Variants in OR7G2 observed in about 807,000 individuals in gnomAD.
The protein encoded by OR7G2 is olfactory receptor 7G2.
For synonymous variants in OR7G2, 153 were observed against 152.2 expected (o/e 1.01, Z -0.04); for missense variants, 362 against 384.0 (o/e 0.94, Z 0.48).
At chr19:9,104,669 T>A (rs73004154) in intron 1 of OR7G2, among the ~76,000 whole-genome samples, 43,948 of 151,052 alleles carry the variant, frequency 0.29, 7,171 homozygotes, top group East Asian at 0.59. Flanking sequence ...CTACTAAAAA[T>A]ACAAAAAATT....
In OR7G2 at chr19:9,102,963, T is replaced by A. The variant is rs140521522; in HGVS notation, c.281A>T (p.Tyr94Phe). 29 of 1,614,034 alleles carry A rather than the reference T, an allele frequency of 1.8e-5. No individual in the cohort carries two copies. The African/African-American group carries it at 3.7e-4, about 21-fold the overall frequency. The change falls in exon 2 of 2, where the codon TAC (tyrosine) becomes TTC (phenylalanine). Residue 94 changes from tyrosine (Y) to phenylalanine (F), a missense_variant. Coordinates refer to ENST00000641081, the MANE Select transcript of OR7G2 (RefSeq NM_001005193.2). ...GCAGATCTGGGTGAGGCAGCCTGAGTACGTGATGCTCCGATTCTGAGCTTG... is the reference window on the plus strand; with the variant it reads ...GCAGATCTGGGTGAGGCAGCCTGAGAACGTGATGCTCCGATTCTGAGCTTG... Reference protein sequence around the residue: ...NIQAQNRSITYSGCLTQICFV... With the variant: ...NIQAQNRSITFSGCLTQICFV...
intron 1 of OR7G2, among the ~76,000 whole-genome samples, 166 bp downstream of exon 1, chr19:9,107,148 A>G (rs1167568650): frequency 1.3e-5 from 2 of 152,168 alleles, no homozygotes; most frequent in Non-Finnish European, 2.9e-5. Context: ...GACTGCAGTG[A>G]GCTATGATCG....
rs1427288581 is a variant in OR7G2, at chr19:9,100,833, A to T, written c.*1436T>A. 1 of 152,194 alleles carries T rather than the reference A, an allele frequency of 6.6e-6. No homozygotes were observed. The highest frequency in any genetic ancestry group is 1.5e-5 in the Non-Finnish European group (1 of 68,048). 9.4% of individuals were successfully genotyped at this position (152,194 alleles called of 1,614,324 possible). ...TGGAAGCTTGTCTCCAGATATAACA[A>T]CAACCTCGCTTAAATCCTTTTCCTG... On this transcript the variant is annotated 3_prime_UTR_variant, in exon 2 of 2. Coordinates refer to ENST00000641081, the MANE Select transcript of OR7G2 (RefSeq NM_001005193.2).
At chr19:9,104,496 AAACT>A (rs544280802) in intron 1 of OR7G2, among the ~76,000 whole-genome samples, 95 of 152,312 alleles carry the variant, frequency 6.2e-4, no homozygotes, top group Admixed American at 1.2e-3. Context: ...TGTCATTCTT[AAACT>A]TTTAAAAATG....
chr19:9,106,203 A>C (rs2145912828), intron 1 of OR7G2, among the ~76,000 whole-genome samples: 1 of 151,980 alleles, frequency 6.6e-6, no homozygotes, highest in Non-Finnish European at 1.5e-5. Context: ...GGATCACCTG[A>C]GATCAAGAGT....
chr19:9,104,612 GGT>G (rs2050375711), intron 1 of OR7G2, among the ~76,000 whole-genome samples: 1 of 151,768 alleles, frequency 6.6e-6, no homozygotes, highest in Non-Finnish European at 1.5e-5. Context: ...CAGATCACGG[GGT>G]CAGGCAATCG....
At chr19:9,103,725 C>T (rs1479237739) in intron 1 of OR7G2, among the ~76,000 whole-genome samples, 1 of 151,218 alleles carries the variant, frequency 6.6e-6, no homozygotes, top group African/African-American at 2.4e-5. Context: ...GTGGGGGTCT[C>T]ACCATGTTGG....
rs371933843 is a variant in OR7G2 at position 9,103,675 on chromosome 19, T to TTGTG, written c.-16-420_-16-417dup. 1.7e-3 allele frequency among the ~76,000 whole-genome samples: 238 copies of TTGTG among 142,492 alleles called. 3 individuals are homozygous for TTGTG. The highest frequency in any genetic ancestry group is 2.4e-3 in the Non-Finnish European group (154 of 64,992). 93.5% of individuals were successfully genotyped at this position (142,492 alleles called of 152,430 possible). A position where few individuals can be genotyped will look rare whatever the true frequency, so the allele number is the denominator to read the frequency against. On this transcript the variant is annotated intron_variant, in intron 1 of 1. Transcript: ENST00000641081. ...TGCACACCACCATTCCTGGCTAATT[T>TTGTG]TGTGTGTGTGTGTGTGTGTTTTTAG...
Position 9,102,034 on chromosome 19 carries a change from C to G in OR7G2, c.*235G>C, listed in dbSNP as rs2050356598. Reference sequence around the variant, plus strand: ...CCTGGCCAACATGGTGAAACTCTATCTCTACTAAAAATACAAAAATTAGCC... The same window carrying G: ...CCTGGCCAACATGGTGAAACTCTATGTCTACTAAAAATACAAAAATTAGCC... On this transcript the variant is annotated 3_prime_UTR_variant, in exon 2 of 2. Coordinates refer to ENST00000641081, the MANE Select transcript of OR7G2 (RefSeq NM_001005193.2). The G allele has an allele frequency of 2.4e-6, 1 of 417,376 alleles. No individual in the cohort carries two copies. Among genetic ancestry groups the G allele is most frequent in the Admixed American group, 4.0e-5 (1 of 24,806 alleles). The allele number at this position is 417,376 out of a possible 1,614,324, so 25.9% of individuals were successfully genotyped here. A position where few individuals can be genotyped will look rare whatever the true frequency, so the allele number is the denominator to read the frequency against.
intron 1 of OR7G2, among the ~76,000 whole-genome samples, chr19:9,106,284 G>A (rs11085848): frequency 0.29 from 44,275 of 151,608 alleles, 7,204 homozygotes; most frequent in East Asian, 0.59. Flanking sequence ...GCTGGGTGTG[G>A]TGGTGTGGTG....
rs150484555 is a variant in OR7G2 at position 9,105,594 on chromosome 19, A to G, written c.-17+1720T>C. ...CTGTGCGTGGTGGTTCACGCCTGTAATCCCAGCACTTTGGGAGGCTAAGGC... is the reference window on the plus strand; with the variant it reads ...CTGTGCGTGGTGGTTCACGCCTGTAGTCCCAGCACTTTGGGAGGCTAAGGC... On this transcript the variant is annotated intron_variant, in intron 1 of 1. Transcript: ENST00000641081. Among the ~76,000 whole-genome samples, 87 of 152,296 alleles carry G rather than the reference A, an allele frequency of 5.7e-4. 1 individual carries two copies. In the East Asian group the frequency reaches 0.014, roughly 25 times the overall value.
chr19:9,102,918 C>G lies in OR7G2; in HGVS notation c.326G>C (p.Gly109Ala). ...TGCTGCAAGGAGACAATTTTCCAAGCCAGCAAAAAACAAGACAAAGCAGAT... is the reference window on the plus strand; with the variant it reads ...TGCTGCAAGGAGACAATTTTCCAAGGCAGCAAAAAACAAGACAAAGCAGAT... ...TQICFVLFFA[G>A]LENCLLAAMA... is the part of the protein sequence containing the mutation. The change falls in exon 2 of 2, where the codon GGC becomes GCC. Residue 109 changes from glycine to alanine, a missense_variant. Physicochemically the swap from Gly to Ala is moderately conservative, Grantham distance 60. Transcript: ENST00000641081. 1 of 1,614,146 alleles carries G rather than the reference C, an allele frequency of 6.2e-7. No homozygotes were observed. The highest frequency in any genetic ancestry group is 1.6e-4 in the Middle Eastern group (1 of 6,062).
At chr19:9,103,787 C>T (rs2050369805) in intron 1 of OR7G2, among the ~76,000 whole-genome samples, 1 of 151,228 alleles carries the variant, frequency 6.6e-6, no homozygotes, top group African/African-American at 2.4e-5. Flanking sequence ...CCTCAGCCTC[C>T]CAAAGTGCTG....
chr19:9,102,895 C>T lies in OR7G2; in HGVS notation c.349G>A (p.Ala117Thr). Residue 117 changes from alanine (A) to threonine (T), a missense_variant, in exon 2 of 2, where the codon GCA (alanine) becomes ACA (threonine). By Grantham distance (58) the Ala-to-Thr change is moderately conservative (BLOSUM62 0). Coordinates refer to ENST00000641081, the MANE Select transcript of OR7G2 (RefSeq NM_001005193.2). ...GCCACATAGCGGTCATAGGCCATTG[C>T]TGCAAGGAGACAATTTTCCAAGCCA... Reference protein sequence around the residue: ...FAGLENCLLAAMAYDRYVAIC... With the variant: ...FAGLENCLLATMAYDRYVAIC... 6.2e-7 allele frequency: 1 copy of T among 1,614,042 alleles called. No homozygotes were observed. Among genetic ancestry groups the T allele is most frequent in the Non-Finnish European group, 8.5e-7 (1 of 1,179,986 alleles).
At position 9,106,709 on chromosome 19, in the gene OR7G2, C is replaced by A. The variant is rs2050388313; in HGVS notation, c.-17+605G>T. On this transcript the variant is annotated intron_variant, in intron 1 of 1. Coordinates refer to ENST00000641081, the MANE Select transcript of OR7G2 (RefSeq NM_001005193.2). ...CCGAGATCATGCCACTGCACTCCAG[C>A]CTGGGTGACAGAGCAAGATTCCATC... 4.1e-5 allele frequency among the ~76,000 whole-genome samples: 6 copies of A among 145,982 alleles called. No homozygotes were observed. The South Asian group carries it at 1.3e-3, about 32-fold the overall frequency.
chr19:9,103,549 C>G (rs938471367), intron 1 of OR7G2, among the ~76,000 whole-genome samples: 1 of 145,468 alleles, frequency 6.9e-6, no homozygotes, highest in Non-Finnish European at 1.5e-5. Flanking sequence ...CTCTGTCCAC[C>G]AGGCTGGAAT....
At position 9,102,719 on chromosome 19, in the gene OR7G2, C is replaced by T. The variant is rs1057273965; in HGVS notation, c.525G>A (p.Pro175=). The T allele has an allele frequency of 9.3e-6, 15 of 1,613,942 alleles. No individual in the cohort carries two copies. Among genetic ancestry groups the T allele is most frequent in the African/African-American group, 8.0e-5 (6 of 74,898 alleles). ...RLSFCTDLEI[P]LFFCELAQVI... Reference sequence around the variant, plus strand: ...CCTGAGCCAGTTCACAGAAGAAGAGCGGGATTTCCAGGTCTGTGCAGAAGG... The same window carrying T: ...CCTGAGCCAGTTCACAGAAGAAGAGTGGGATTTCCAGGTCTGTGCAGAAGG... Residue 175 remains proline (P), a synonymous_variant, in exon 2 of 2, where the codon CCG becomes CCA. Transcript: ENST00000641081.
At chr19:9,104,598 C>T (rs1430133697) in intron 1 of OR7G2, among the ~76,000 whole-genome samples, 1 of 151,802 alleles carries the variant, frequency 6.6e-6, no homozygotes, top group Non-Finnish European at 1.5e-5. Flanking sequence ...GAGGCCGAGG[C>T]GGGCAGATCA....
intron 1 of OR7G2, among the ~76,000 whole-genome samples, chr19:9,103,884 T>TG (rs60347575): frequency 2.7e-5 from 3 of 112,490 alleles, no homozygotes; most frequent in Non-Finnish European, 3.8e-5. Context: ...TTTTTTTTTT[T>TG]CGGGAGATAG....
Sources: allele counts gnomAD v4.1 joint callset (sites outside exome capture counted in the v4.1 genomes callset), GRCh38; gene constraint gnomAD v4.1.1; transcripts MANE v1.5; gene names NCBI Gene and HGNC (gene_info 2026-07-23, HGNC 2026-07-21).